C1QC: variants seen among roughly 807,000 people sequenced by gnomAD.
C1QC encodes complement C1q subcomponent subunit C.
Under a neutral mutation model 5.9 loss-of-function variants are expected in C1QC, and 4 were observed. The observed-to-expected ratio is 0.68, with a 90% CI of 0.33 to 1.55. C1QC has a LOEUF of 1.55. C1QC is among the 40% of genes most tolerant of loss of function. C1QC has a pLI of 0.06. For missense variants in C1QC, 299 were observed against 326.9 expected (o/e 0.91, Z 0.66); for synonymous variants, 166 against 153.8 (o/e 1.08, Z -0.59).
chr1:22,644,925 A>G (rs1230424858), intron 2 of C1QC, among the ~76,000 whole-genome samples: 1 of 152,158 alleles, frequency 6.6e-6, no homozygotes, highest in African/African-American at 2.4e-5. Context: ...AATCCTTGGC[A>G]TAAGAGAAGG....
At chr1:22,646,274 C>T (rs1473264640) in intron 2 of C1QC, among the ~76,000 whole-genome samples, 3 of 152,224 alleles carry the variant, frequency 2.0e-5, no homozygotes, top group East Asian at 1.9e-4. Flanking sequence ...GGCTTCTATT[C>T]GGCTCCTTCC....
chr1:22,643,949 G>A, intron 1 of C1QC, 62 bp from the exon 2 acceptor site: 1 of 1,533,986 alleles, frequency 6.5e-7, no homozygotes, highest in Non-Finnish European at 8.8e-7. Context: ...GGGCCCTGGG[G>A]AATGAGAGGG....
chr1:22,644,789 A>G (rs1642342081), intron 2 of C1QC, among the ~76,000 whole-genome samples: 1 of 152,108 alleles, frequency 6.6e-6, no homozygotes, highest in South Asian at 2.1e-4. Flanking sequence ...GGTGTAGGCT[A>G]TTTTATCATT....
Position 22,647,358 on chromosome 1 carries a change from C to A in C1QC, c.313C>A (p.Pro105Thr). 1 of 1,614,062 alleles carries A rather than the reference C, an allele frequency of 6.2e-7. No homozygotes were observed. The highest frequency in any genetic ancestry group is 8.5e-7 in the Non-Finnish European group (1 of 1,180,014). The change falls in exon 3 of 3, where the codon CCT (proline) becomes ACT (threonine). Residue 105 changes from proline to threonine, a missense_variant. By Grantham distance (38) the Pro-to-Thr change is conservative (BLOSUM62 -1). Coordinates refer to ENST00000374640, the MANE Select transcript of C1QC (RefSeq NM_172369.5). ...MPGVPGPMGI[P>T]GEPGEEGRYK... ...AGGGGTGCCCGGCCCCATGGGCATC[C>A]CTGGAGAGCCAGGTGAGGAGGGCAG...
intron 2 of C1QC, among the ~76,000 whole-genome samples, chr1:22,646,264 G>A (rs958030837): frequency 7.2e-5 from 11 of 152,320 alleles, no homozygotes; most frequent in South Asian, 6.2e-4. Flanking sequence ...GCAGTGGGGC[G>A]GCTTCTATTC....
At chr1:22,643,805 G>T in intron 1 of C1QC, 91 bp downstream of exon 1, 1 of 1,345,260 alleles carries the variant, frequency 7.4e-7, no homozygotes, top group Non-Finnish European at 9.5e-7. Flanking sequence ...GGGGCAGCTT[G>T]GTGTGTGAGG....
At position 22,647,968 on chromosome 1, in the gene C1QC, C is replaced by T. The variant is rs1052547; in HGVS notation, c.*185C>T. 1 of 726,700 alleles carries T rather than the reference C, an allele frequency of 1.4e-6. No homozygotes were observed. Among genetic ancestry groups the T allele is most frequent in the Admixed American group, 2.8e-5 (1 of 36,284 alleles). 45.0% of individuals were successfully genotyped at this position (726,700 alleles called of 1,614,324 possible). On this transcript the variant is annotated 3_prime_UTR_variant, in exon 3 of 3. Transcript: ENST00000374640. ...CCTCCCCATGGGTTCTCTCCTTCCT[C>T]TGAACTTCTTTAGGAGTCACTGCTT... is the stretch of plus-strand genomic sequence containing the variant.
Position 22,644,237 on chromosome 1 carries a change from T to A in C1QC, c.181+33T>A, listed in dbSNP as rs748971758. On this transcript the variant is annotated intron_variant, in intron 2 of 2. Coordinates refer to ENST00000374640, the MANE Select transcript of C1QC (RefSeq NM_172369.5). ...TGCTGGCCTGGTTTGGGGGTTTGGGTCTGGGGCAGGGATCAGAGTGTCTGT... is the reference window on the plus strand; with the variant it reads ...TGCTGGCCTGGTTTGGGGGTTTGGGACTGGGGCAGGGATCAGAGTGTCTGT... 7.2e-6 allele frequency: 11 copies of A among 1,528,846 alleles called. No individual in the cohort carries two copies. In the East Asian group the frequency reaches 2.6e-4, roughly 37 times the overall value. The allele number at this position is 1,528,846 out of a possible 1,614,324, so 94.7% of individuals were successfully genotyped here.
intron 2 of C1QC, among the ~76,000 whole-genome samples, chr1:22,646,210 C>T (rs547780073): frequency 2.9e-4 from 44 of 152,258 alleles, no homozygotes; most frequent in Admixed American, 1.2e-3. Context: ...TGGGGGCTGA[C>T]GTGGGCTGAA....
At position 22,644,971 on chromosome 1, in the gene C1QC, C is replaced by A. The variant is rs151078580; in HGVS notation, c.181+767C>A. On this transcript the variant is annotated intron_variant, in intron 2 of 2. Coordinates refer to ENST00000374640, the MANE Select transcript of C1QC (RefSeq NM_172369.5). ...TATGAATGGGTGACTGGGGCTGGAA[C>A]TGGAGCCCTGGGGGGTATGAGTGCC... Among the ~76,000 whole-genome samples the A allele has an allele frequency of 1.2e-3, 185 of 152,210 alleles. 2 individuals carry two copies. In the East Asian group the frequency reaches 0.015, roughly 12 times the overall value.
Position 22,647,327 on chromosome 1 carries a change from G to A in C1QC, c.282G>A (p.Gly94=). 1.2e-6 allele frequency: 2 copies of A among 1,613,882 alleles called. No individual in the cohort carries two copies. Among genetic ancestry groups the A allele is most frequent in the Non-Finnish European group, 1.7e-6 (2 of 1,179,944 alleles). ...AAAATGGCCCCATGGGACCCCCTGG[G>A]ATGCCAGGGGTGCCCGGCCCCATGG... ...PGKNGPMGPP[G]MPGVPGPMGI... The change falls in exon 3 of 3, where the codon GGG becomes GGA. Residue 94 remains glycine (G), a synonymous_variant. Transcript: ENST00000374640.
At chr1:22,646,483 G>GTA (rs1362809477) in intron 2 of C1QC, among the ~76,000 whole-genome samples, 9 of 152,212 alleles carry the variant, frequency 5.9e-5, no homozygotes, top group Non-Finnish European at 1.3e-4. Context: ...CACACACAGT[G>GTA]TATATAAAAC....
At chr1:22,647,078 C>T (rs1642379487) in intron 2 of C1QC, 149 bp from the exon 3 acceptor site, 2 of 945,906 alleles carry the variant, frequency 2.1e-6, no homozygotes, top group East Asian at 2.6e-5. Context: ...GCCTAACTCC[C>T]TGCACCCTGC....
chr1:22,647,338 T>G lies in C1QC; in HGVS notation c.293T>G (p.Val98Gly), dbSNP rs573280002. The G allele has an allele frequency of 1.2e-6, 2 of 1,613,624 alleles. No individual in the cohort carries two copies. The highest frequency in any genetic ancestry group is 4.5e-5 in the East Asian group (2 of 44,822). The stretch of plus-strand genomic sequence containing the variant: ...ATGGGACCCCCTGGGATGCCAGGGG[T>G]GCCCGGCCCCATGGGCATCCCTGGA... Reference protein sequence around the residue: ...GPMGPPGMPGVPGPMGIPGEP... With the variant: ...GPMGPPGMPGGPGPMGIPGEP... The change falls in exon 3 of 3, where the codon GTG becomes GGG. Residue 98 changes from valine (V) to glycine (G), a missense_variant. This residue lies in a region of C1QC where 146 missense variants were observed against 144.1 expected (regional missense o/e 1.01). Coordinates refer to ENST00000374640, the MANE Select transcript of C1QC (RefSeq NM_172369.5).
chr1:22,646,522 T>A (rs1331840973), intron 2 of C1QC, among the ~76,000 whole-genome samples: 3 of 152,252 alleles, frequency 2.0e-5, no homozygotes, highest in Non-Finnish European at 2.9e-5. Flanking sequence ...CTTTGTGAAT[T>A]CTAGGAATGT....
intron 1 of C1QC, 64 bp downstream of exon 1, chr1:22,643,778 C>G (rs1375889983): frequency 1.5e-6 from 2 of 1,325,874 alleles, no homozygotes; most frequent in African/African-American, 3.0e-5. Context: ...CCGCCACCTT[C>G]CTGAAATGTG....
rs779152772 is a variant in C1QC, at chr1:22,644,184, C to T, written c.161C>T (p.Pro54Leu). The part of the protein sequence containing the change: ...APGKDGYDGL[P>L]GPKGEPGIPA... The stretch of plus-strand genomic sequence containing the variant: ...GGGAAGGATGGGTACGACGGACTGC[C>T]GGGGCCCAAGGGGGAGCCAGGTGAG... Residue 54 changes from proline (P) to leucine (L), a missense_variant, in exon 2 of 3, where the codon CCG becomes CTG. Around this residue, in one of 3 missense-constraint regions of C1QC, gnomAD observed 146 missense variants for 144.1 expected, o/e 1.01. Transcript: ENST00000374640. The T allele has an allele frequency of 1.1e-5, 17 of 1,581,766 alleles. 1 individual carries two copies. In the South Asian group the frequency reaches 1.4e-4, roughly 13 times the overall value.
At chr1:22,643,789 G>A in intron 1 of C1QC, 75 bp downstream of exon 1, 15 of 1,327,616 alleles carry the variant, frequency 1.1e-5, no homozygotes, top group Non-Finnish European at 1.3e-5. Context: ...CTGAAATGTG[G>A]TGCCAGGGGC....
At chr1:22,643,833 T>G in intron 1 of C1QC, 119 bp downstream of exon 1, 2 of 1,356,924 alleles carry the variant, frequency 1.5e-6, no homozygotes, top group South Asian at 3.8e-5. Context: ...GGGTTCCCAC[T>G]CCTGCTGGGC....
Sources: gnomAD v4.1 joint callset for allele counts (sites outside exome capture counted in the v4.1 genomes callset) on GRCh38, gnomAD v4.1.1 for gene constraint, gnomAD v4.1.1 regional missense constraint, MANE v1.5 for transcripts, NCBI Gene and HGNC (gene_info 2026-07-23, HGNC 2026-07-21) for gene names.